MAPK6: variants seen among roughly 807,000 people sequenced by gnomAD.
MAPK6 encodes the protein ERK-3.
A neutral mutation model predicts 59.3 loss-of-function variants in MAPK6; 19 were observed. The ratio of observed to expected loss-of-function variants is 0.32; its 90% CI spans 0.22 to 0.47. The LOEUF is 0.47. Among genes scored for constraint, MAPK6 ranks in the 20% least tolerant of loss-of-function variants. The pLI is 1.00. For missense variants in MAPK6, 724 were observed against 847.9 expected, an observed-to-expected ratio of 0.85 and a Z score of 1.81; for synonymous variants, 316 against 290.3, an observed-to-expected ratio of 1.09 and a Z score of -0.90.
chr15:52,064,820 G>C lies in MAPK6; in HGVS notation c.1986G>C (p.Leu662=), dbSNP rs148887059. 1.1e-5 allele frequency: 17 copies of C among 1,611,916 alleles called. No homozygotes were observed. The East Asian group carries it at 3.1e-4, about 30-fold the overall frequency. ...LGERGHEEGF[L]NNSGEFLFNK... is the part of the protein sequence containing the mutation. ...AGAGAGGACATGAGGAAGGATTTCT[G>C]AACAACAGTGGGGAGTTCCTCTTTA... The change falls in exon 6 of 6, where the codon CTG becomes CTC. Residue 662 remains leucine, a synonymous_variant. Transcript: ENST00000261845.
intron 1 of MAPK6, among the ~76,000 whole-genome samples, chr15:52,022,834 G>T (rs184616734): frequency 6.6e-6 from 1 of 152,208 alleles, no homozygotes; most frequent in Admixed American, 6.5e-5. Flanking sequence ...ACTGAGGCCG[G>T]GGGCAGTGGC....
chr15:52,025,041 C>T (rs901497587), intron 1 of MAPK6, among the ~76,000 whole-genome samples: 1 of 152,010 alleles, frequency 6.6e-6, no homozygotes, highest in Non-Finnish European at 1.5e-5. Context: ...CTAAACGATG[C>T]ATACACCTGG....
intron 1 of MAPK6, among the ~76,000 whole-genome samples, chr15:52,038,542 G>A (rs1218893552): frequency 6.6e-6 from 1 of 152,198 alleles, no homozygotes; most frequent in Non-Finnish European, 1.5e-5. Flanking sequence ...CGTTGAACTT[G>A]TGGCATGAGC....
intron 3 of MAPK6, chr15:52,056,822 A>G (rs1342643637): frequency 6.6e-6 from 1 of 151,562 alleles, no homozygotes; most frequent in Non-Finnish European, 1.5e-5. Flanking sequence ...TTTAAGAATT[A>G]TCTATATCTG....
At chr15:52,062,174 C>A (rs1005408575) in intron 5 of MAPK6, among the ~76,000 whole-genome samples, 6 of 151,204 alleles carry the variant, frequency 4.0e-5, no homozygotes, top group African/African-American at 1.5e-4. Flanking sequence ...CTCAGCCTCC[C>A]GAGTAGCTGG....
At position 52,058,658 on chromosome 15, in the gene MAPK6, G is replaced by A; in HGVS notation, c.726G>A (p.Gln242=). The A allele has an allele frequency of 6.2e-7, 1 of 1,610,562 alleles. No homozygotes were observed. The highest frequency in any genetic ancestry group is 8.5e-7 in the Non-Finnish European group (1 of 1,178,214). The change falls in exon 4 of 6, where the codon CAG becomes CAA. Residue 242 remains glutamine (Q), a synonymous_variant. Coordinates refer to ENST00000261845, the MANE Select transcript of MAPK6 (RefSeq NM_002748.4). ...FAGAHELEQM[Q]LILESIPVVH... ...GTGCACATGAACTTGAACAGATGCA[G>A]CTGATTTTAGAATCTATTCCTGTTG...
At chr15:52,058,567 A>G in intron 3 of MAPK6, 66 bp from the exon 4 acceptor site, 1 of 1,298,142 alleles carries the variant, frequency 7.7e-7, no homozygotes, top group Non-Finnish European at 1.0e-6. Flanking sequence ...AAATTAGTTT[A>G]GTATGTTTAT....
intron 1 of MAPK6, among the ~76,000 whole-genome samples, chr15:52,026,253 C>T (rs1030829044): frequency 1.3e-5 from 2 of 152,136 alleles, no homozygotes; most frequent in African/African-American, 2.4e-5. Flanking sequence ...TTCCAGGTAC[C>T]GAAACAGTGG....
rs1322930608 is a variant in MAPK6, at chr15:52,064,406, A to ATTTGAT, written c.1580_1585dup (p.Phe527_Asp528dup). The ATTTGAT allele has an allele frequency of 6.2e-7, 1 of 1,611,820 alleles. No individual in the cohort carries two copies. The highest frequency in any genetic ancestry group is 8.5e-7 in the Non-Finnish European group (1 of 1,179,834). ...GAAAAGAAAGGGAAAAGAATCAGGG[A>ATTTGAT]TTTGATTTTGATTCCTTTATTGCAG... On this transcript the variant is annotated inframe_insertion, in exon 6 of 6. Transcript: ENST00000261845.
intron 3 of MAPK6, 128 bp from the exon 4 acceptor site, chr15:52,058,505 C>T (rs558477314): frequency 2.9e-6 from 2 of 678,614 alleles, no homozygotes; most frequent in Admixed American, 3.5e-5. Flanking sequence ...AGCAATGAAA[C>T]CTGCTGATGA....
At position 52,061,379 on chromosome 15, in the gene MAPK6, A is replaced by G. The variant is rs1454864264; in HGVS notation, c.946A>G (p.Met316Val). The G allele has an allele frequency of 1.9e-6, 3 of 1,613,922 alleles. No individual in the cohort carries two copies. The highest frequency in any genetic ancestry group is 1.3e-5 in the African/African-American group (1 of 74,932). ...TAEEALSHPY[M>V]SIYSFPMDEP... ...AGAAGAAGCACTCTCCCATCCTTAC[A>G]TGAGCATATATTCTTTTCCAATGGA... The change falls in exon 5 of 6, where the codon ATG becomes GTG. Residue 316 changes from methionine to valine, a missense_variant. Physicochemically the swap from Met to Val is conservative, Grantham distance 21. Around this residue, in one of 4 missense-constraint regions of MAPK6, gnomAD observed 502 missense variants for 507.6 expected, o/e 0.99. Coordinates refer to ENST00000261845, the MANE Select transcript of MAPK6 (RefSeq NM_002748.4).
chr15:52,030,599 T>C (rs1270348619), intron 1 of MAPK6, among the ~76,000 whole-genome samples: 4 of 145,826 alleles, frequency 2.7e-5, no homozygotes, highest in African/African-American at 7.6e-5. Flanking sequence ...GTTTTAGTTA[T>C]GCAGAAGAAG....
chr15:52,047,426 A>G (rs180731910), intron 2 of MAPK6, among the ~76,000 whole-genome samples: 3 of 152,180 alleles, frequency 2.0e-5, no homozygotes, highest in East Asian at 1.9e-4. Context: ...GCTCACTGCA[A>G]CCTTCATCCC....
chr15:52,004,595 C>G (rs1035969006), intron 3 of MAPK6, among the ~76,000 whole-genome samples: 2 of 152,116 alleles, frequency 1.3e-5, no homozygotes, highest in African/African-American at 4.8e-5. Context: ...GTTGTGGAGG[C>G]TGGGAAGTCT....
chr15:52,011,232 T>A (rs1231957900), intron 3 of MAPK6: 1 of 152,164 alleles, frequency 6.6e-6, no homozygotes, highest in Non-Finnish European at 1.5e-5. Flanking sequence ...TGCCATGATT[T>A]TTTTGTTTTT....
intron 1 of MAPK6, among the ~76,000 whole-genome samples, chr15:52,040,556 A>T (rs879474425): frequency 6.6e-6 from 1 of 152,242 alleles, no homozygotes; most frequent in African/African-American, 2.4e-5. Flanking sequence ...CCTTTTTGAC[A>T]TAAGTAGGCC....
chr15:52,065,024 T>C lies in MAPK6; in HGVS notation c.*24T>C, dbSNP rs765602869. On this transcript the variant is annotated 3_prime_UTR_variant, in exon 6 of 6. Coordinates refer to ENST00000261845, the MANE Select transcript of MAPK6 (RefSeq NM_002748.4). ...AAAACACTCAGCAGACATTTATCTT[T>C]GTATTCTTCATGAAATGTGTTTTGT... 1.7e-5 allele frequency: 26 copies of C among 1,551,796 alleles called. 1 individual carries two copies. The South Asian group carries it at 3.2e-4, about 19-fold the overall frequency.
chr15:52,052,028 T>TA lies in MAPK6; in HGVS notation c.700+1892dup, dbSNP rs536306813. Among the ~76,000 whole-genome samples, 44 of 152,334 alleles carry TA rather than the reference T, an allele frequency of 2.9e-4. 5 individuals are homozygous for TA. The highest frequency in any genetic ancestry group is 1.9e-3 in the South Asian group (9 of 4,826). On this transcript the variant is annotated intron_variant, in intron 3 of 5. Transcript: ENST00000261845. ...CTGATATCAAGTGCCTTCCAGCATATATAAACAATTCTGTTTGTTGCGGTG... is the reference window on the plus strand; with the variant it reads ...CTGATATCAAGTGCCTTCCAGCATATAATAAACAATTCTGTTTGTTGCGGTG...
intron 1 of MAPK6, among the ~76,000 whole-genome samples, chr15:52,028,285 C>G (rs913057513): frequency 6.6e-6 from 1 of 152,034 alleles, no homozygotes; most frequent in East Asian, 1.9e-4. Context: ...GGATTCGTCT[C>G]TGTGTTGACC....
Sources: gnomAD v4.1 joint callset for allele counts (sites outside exome capture counted in the v4.1 genomes callset) on GRCh38, gnomAD v4.1.1 for gene constraint, gnomAD v4.1.1 regional missense constraint, MANE v1.5 for transcripts, NCBI Gene and HGNC (gene_info 2026-07-23, HGNC 2026-07-21) for gene names.